The following PTPRD variants were observed in gnomAD, a reference collection of about 807,000 sequenced individuals.
PTPRD encodes receptor-type tyrosine-protein phosphatase delta.
In PTPRD, 34 loss-of-function variants were observed where a neutral mutation model predicts 214.5. The ratio of observed to expected loss-of-function variants is 0.16; its 90% confidence interval spans 0.12 to 0.21. The LOEUF (loss-of-function observed/expected upper bound fraction) is 0.21. PTPRD is among the 10% of genes least tolerant of loss of function. The pLI, the probability that PTPRD is intolerant of heterozygous loss-of-function variation, is 1.00. For synonymous variants in PTPRD, 1,128 were observed against 845.7 expected, an observed-to-expected ratio of 1.33 and a Z score of -5.79; for missense variants, 2,545 against 2,398.7, an observed-to-expected ratio of 1.06 and a Z score of -1.27.
intron 7 of PTPRD, among the ~76,000 whole-genome samples, chr9:9,592,407 G>T (rs2154328807): frequency 6.6e-6 from 1 of 152,148 alleles, no homozygotes; most frequent in African/African-American, 2.4e-5. Context: ...ATGCTTATAT[G>T]TTCATATACA....
intron 10 of PTPRD, among the ~76,000 whole-genome samples, chr9:9,157,672 G>C (rs2099882411): frequency 6.6e-6 from 1 of 152,078 alleles, no homozygotes; most frequent in Non-Finnish European, 1.5e-5. Flanking sequence ...CTTCACCACT[G>C]AATTATAACC....
intron 11 of PTPRD, among the ~76,000 whole-genome samples, chr9:8,904,725 G>A (rs1350294107): frequency 6.7e-6 from 1 of 150,036 alleles, no homozygotes; most frequent in Non-Finnish European, 1.5e-5. Flanking sequence ...AATATTATTT[G>A]CAAAACACAT....
rs570779561 is a variant in PTPRD, at chr9:9,369,807, C to A, written c.-203+27642G>T. ...TTTGTATAAGGTGTAAGGAAGGGAT[C>A]CAGTTTCAGCTTTCTACATATGGCT... On this transcript the variant is annotated intron_variant, in intron 9 of 45. Transcript: ENST00000381196. Among the ~76,000 whole-genome samples, 85 of 152,240 alleles carry A rather than the reference C, an allele frequency of 5.6e-4. 1 individual carries two copies. Among genetic ancestry groups the A allele is most frequent in the African/African-American group, 2.0e-3 (85 of 41,544 alleles).
intron 2 of PTPRD, among the ~76,000 whole-genome samples, chr9:10,601,507 T>C (rs1490921990): frequency 6.6e-6 from 1 of 151,826 alleles, no homozygotes; most frequent in Non-Finnish European, 1.5e-5. Flanking sequence ...GGAGACCTAA[T>C]CCAATATATC....
At chr9:8,892,104 C>T (rs61164486) in intron 11 of PTPRD, among the ~76,000 whole-genome samples, 24,737 of 152,028 alleles carry the variant, frequency 0.16, 2,864 homozygotes, top group African/African-American at 0.32. Context: ...AATTCCACTC[C>T]GGGCTTCTTC....
At chr9:10,169,711 G>C (rs2099188635) in intron 3 of PTPRD, among the ~76,000 whole-genome samples, 1 of 152,066 alleles carries the variant, frequency 6.6e-6, no homozygotes, top group African/African-American at 2.4e-5. Flanking sequence ...GGAAATACCA[G>C]AACAAAACTC....
intron 14 of PTPRD, among the ~76,000 whole-genome samples, chr9:8,605,073 T>C (rs2095123548): frequency 6.6e-6 from 1 of 152,208 alleles, no homozygotes; most frequent in Non-Finnish European, 1.5e-5. Context: ...TGGTAACCTC[T>C]GGCCTATCAA....
chr9:8,399,060 G>A (rs942054910), intron 36 of PTPRD, among the ~76,000 whole-genome samples: 13 of 146,390 alleles, frequency 8.9e-5, no homozygotes, highest in Non-Finnish European at 1.8e-4. Context: ...GAGTCACATA[G>A]TAGCCAATAA....
chr9:8,893,870 A>G (rs1767487399), intron 11 of PTPRD, among the ~76,000 whole-genome samples: 1 of 152,176 alleles, frequency 6.6e-6, no homozygotes, highest in Non-Finnish European at 1.5e-5. Flanking sequence ...ATGGTAAGGA[A>G]CTATTTATGA....
At chr9:8,530,366 G>A (rs760351986) in intron 14 of PTPRD, among the ~76,000 whole-genome samples, 2 of 152,012 alleles carry the variant, frequency 1.3e-5, no homozygotes, top group Non-Finnish European at 2.9e-5. Flanking sequence ...CCACTTCCCA[G>A]ACAAATCATG....
chr9:9,778,416 A>C (rs907116478), intron 5 of PTPRD, among the ~76,000 whole-genome samples: 1 of 152,160 alleles, frequency 6.6e-6, no homozygotes, highest in Non-Finnish European at 1.5e-5. Flanking sequence ...TGTGTAGCAC[A>C]GAAATGTTTG....
rs1555536588 is a variant in PTPRD at position 8,929,755 on chromosome 9, A to ATGTG, written c.-104+88941_-104+88942insCACA. On this transcript the variant is annotated intron_variant, in intron 11 of 45. Transcript: ENST00000381196. ...TGTGTATATATATGTGTATATATATATGTATATATATGTGTATATATATGG... is the reference window on the plus strand; with the variant it reads ...TGTGTATATATATGTGTATATATATATGTGTGTATATATATGTGTATATATATGG... Among the ~76,000 whole-genome samples the ATGTG allele has an allele frequency of 3.6e-3, 207 of 58,054 alleles. 6 individuals carry two copies. The highest frequency in any genetic ancestry group is 0.03 in the East Asian group (66 of 2,208). The allele number at this position is 58,054 out of a possible 152,430, so 38.1% of individuals were successfully genotyped here.
intron 44 of PTPRD, among the ~76,000 whole-genome samples, chr9:8,330,989 A>ACTATT (rs1840038844): frequency 6.6e-6 from 1 of 152,150 alleles, no homozygotes; most frequent in Non-Finnish European, 1.5e-5. Flanking sequence ...GAATGTCTGA[A>ACTATT]CTATTTACTT....
intron 2 of PTPRD, among the ~76,000 whole-genome samples, chr9:10,609,701 A>G (rs1014885591): frequency 6.6e-6 from 1 of 152,130 alleles, no homozygotes; most frequent in Non-Finnish European, 1.5e-5. Context: ...TAAAGCAAAA[A>G]AAGTTATGAA....
intron 2 of PTPRD, among the ~76,000 whole-genome samples, chr9:10,490,722 T>C (rs1312971134): frequency 6.6e-6 from 1 of 152,174 alleles, no homozygotes; most frequent in East Asian, 1.9e-4. Flanking sequence ...TATCCATGCA[T>C]AAGGCTTTAC....
chr9:9,006,616 G>C (rs911887228), intron 11 of PTPRD, among the ~76,000 whole-genome samples: 2 of 151,894 alleles, frequency 1.3e-5, no homozygotes, highest in African/African-American at 4.8e-5. Flanking sequence ...CTGTGAAATT[G>C]GGAAATGATA....
intron 4 of PTPRD, among the ~76,000 whole-genome samples, chr9:10,025,356 C>T (rs1017955713): frequency 2.6e-5 from 4 of 152,080 alleles, no homozygotes; most frequent in Admixed American, 2.6e-4. Flanking sequence ...GAACTGCTTA[C>T]ACATTTCCAA....
Position 8,563,923 on chromosome 9 carries a change from C to G in PTPRD, c.353-35144G>C, listed in dbSNP as rs1486763043. The stretch of plus-strand genomic sequence containing the variant: ...CAAGTGAATCTGCCTGACTTGGCCT[C>G]CCAAAGTGCTGGGATTGCAGGCGTG... On this transcript the variant is annotated intron_variant, in intron 14 of 45. Coordinates refer to ENST00000381196, the MANE Select transcript of PTPRD (RefSeq NM_002839.4). 2.6e-5 allele frequency among the ~76,000 whole-genome samples: 4 copies of G among 152,234 alleles called. No homozygotes were observed. In the East Asian group the frequency reaches 7.7e-4, roughly 29 times the overall value.
At chr9:9,596,654 G>C (rs182633502) in intron 7 of PTPRD, among the ~76,000 whole-genome samples, 2 of 151,918 alleles carry the variant, frequency 1.3e-5, no homozygotes, top group Non-Finnish European at 2.9e-5. Flanking sequence ...ATAGTCTAGG[G>C]TATGGTTCAG....
Sources: allele counts gnomAD v4.1 joint callset (sites outside exome capture counted in the v4.1 genomes callset), GRCh38; gene constraint gnomAD v4.1.1; transcripts MANE v1.5; gene names NCBI Gene and HGNC (gene_info 2026-07-23, HGNC 2026-07-21).